Variants in CHM observed in about 807,000 individuals in gnomAD.
CHM encodes rab proteins geranylgeranyltransferase component A 1.
CHM carries 10 observed loss-of-function variants against 49.0 expected under a neutral mutation model. That is an observed-to-expected ratio of 0.20 (90% CI 0.13 to 0.35). The LOEUF (loss-of-function observed/expected upper bound fraction) is 0.35, where lower values mean the gene tolerates loss of function less well. Ranked by LOEUF, CHM falls within the 10% of genes least tolerant of loss-of-function variation. The pLI is 1.00. For missense variants in CHM, 455 were observed against 478.4 expected (o/e 0.95, Z 0.46); for synonymous variants, 184 against 167.5 (o/e 1.10, Z -0.76).
At chrX:85,926,225 T>C (rs186888266) in intron 8 of CHM, among the ~76,000 whole-genome samples, 201 of 111,516 alleles carry the variant, frequency 1.8e-3, no homozygotes, top group African/African-American at 6.2e-3. Context: ...CTTCCTTCCA[T>C]ATTGTGTTTA....
At chrX:85,900,933 T>C (rs766259200) in intron 10 of CHM, 151 bp downstream of exon 10, 1 of 508,451 alleles carries the variant, frequency 2.0e-6, no homozygotes, top group East Asian at 3.6e-5. Flanking sequence ...GAAATTATGC[T>C]AGGCTTCCCT....
At chrX:85,920,679 T>A (rs1352009868) in intron 8 of CHM, among the ~76,000 whole-genome samples, 1 of 112,140 alleles carries the variant, frequency 8.9e-6, no homozygotes, top group Non-Finnish European at 1.9e-5. Context: ...TTTCACAGAT[T>A]TGGAAACTGA....
intron 6 of CHM, 127 bp from the exon 7 acceptor site, chrX:85,958,102 C>T: frequency 1.3e-6 from 1 of 799,111 alleles, no homozygotes; most frequent in Non-Finnish European, 1.8e-6. Flanking sequence ...TTTTTCACAT[C>T]ACCGTCCATC....
intron 8 of CHM, among the ~76,000 whole-genome samples, chrX:85,951,670 G>A (rs1376156743): frequency 8.9e-6 from 1 of 111,979 alleles, no homozygotes; most frequent in Non-Finnish European, 1.9e-5. Flanking sequence ...GAGCAAGATG[G>A]TCAAATAGAT....
At chrX:85,871,539 T>C (rs1335318002) in intron 14 of CHM, among the ~76,000 whole-genome samples, 1 of 110,209 alleles carries the variant, frequency 9.1e-6, no homozygotes, top group African/African-American at 3.3e-5. Flanking sequence ...AAAGTAGACA[T>C]TATAATATTT....
At chrX:85,884,259 T>A (rs1039955253) in intron 12 of CHM, among the ~76,000 whole-genome samples, 10 of 111,164 alleles carry the variant, frequency 9.0e-5, no homozygotes, top group Non-Finnish European at 1.9e-4. Context: ...AACATAACTT[T>A]ACTACTTTAA....
At chrX:85,910,118 T>A (rs937887158) in intron 9 of CHM, among the ~76,000 whole-genome samples, 5 of 111,783 alleles carry the variant, frequency 4.5e-5, no homozygotes, top group African/African-American at 1.6e-4. Context: ...AGAATTACTC[T>A]TCTAAAGCAA....
At chrX:86,037,681 G>T (rs1429731843) in intron 1 of CHM, among the ~76,000 whole-genome samples, 2 of 110,889 alleles carry the variant, frequency 1.8e-5, no homozygotes, top group Non-Finnish European at 3.8e-5. Context: ...TTATAAAAAT[G>T]ATACAAAAAA....
chrX:85,955,570 T>A (rs1351010611), intron 8 of CHM, among the ~76,000 whole-genome samples: 1 of 112,067 alleles, frequency 8.9e-6, no homozygotes, highest in Non-Finnish European at 1.9e-5. Context: ...GACAAAAAAA[T>A]TTTAAATGTT....
At chrX:86,029,790 C>T (rs1933969617) in intron 1 of CHM, among the ~76,000 whole-genome samples, 1 of 111,255 alleles carries the variant, frequency 9.0e-6, no homozygotes, top group Non-Finnish European at 1.9e-5. Flanking sequence ...GGTTTTGCTA[C>T]TCACCTAGCT....
intron 8 of CHM, among the ~76,000 whole-genome samples, chrX:85,912,445 C>T (rs1927084107): frequency 9.0e-6 from 1 of 111,286 alleles, no homozygotes; most frequent in Non-Finnish European, 1.9e-5. Context: ...AAATGATATT[C>T]GGATGGTATA....
chrX:86,038,813 T>C (rs1569262925), intron 1 of CHM, among the ~76,000 whole-genome samples: 2 of 112,060 alleles, frequency 1.8e-5, no homozygotes, highest in Non-Finnish European at 3.8e-5. Flanking sequence ...GAAGCTGACA[T>C]CATGAGGTTA....
chrX:86,003,744 A>G (rs918474415), intron 2 of CHM, among the ~76,000 whole-genome samples: 29 of 112,030 alleles, frequency 2.6e-4, no homozygotes, highest in African/African-American at 9.1e-4. Flanking sequence ...CAAAGCCTCC[A>G]AGAAATATGG....
In CHM at chrX:85,989,008, T is replaced by A. The variant is rs771906513; in HGVS notation, c.117-7199A>T. ...GAACTAGAAAAGACTACTTTAAAAT[T>A]TATATGTAACCAAAAAATACCCAAA... On this transcript the variant is annotated intron_variant, in intron 2 of 14. Transcript: ENST00000357749. 6.0e-4 allele frequency among the ~76,000 whole-genome samples: 67 copies of A among 111,797 alleles called. 1 individual carries two copies. Among genetic ancestry groups the A allele is most frequent in the Middle Eastern group, 9.2e-3 (2 of 218 alleles).
chrX:86,005,978 C>T (rs1438417609), intron 2 of CHM, among the ~76,000 whole-genome samples: 2 of 111,575 alleles, frequency 1.8e-5, no homozygotes, highest in African/African-American at 6.5e-5. Flanking sequence ...AATATTAAAC[C>T]AATATCCCTG....
chrX:86,038,206 A>T (rs1322228768), intron 1 of CHM, among the ~76,000 whole-genome samples: 1 of 112,091 alleles, frequency 8.9e-6, no homozygotes, highest in African/African-American at 3.3e-5. Flanking sequence ...ATTTGCCCAT[A>T]AGGAAATTCC....
chrX:85,981,739 G>C lies in CHM; in HGVS notation c.187C>G (p.Gln63Glu). 2 of 1,180,599 alleles carry C rather than the reference G, an allele frequency of 1.7e-6. No homozygotes were observed. The highest frequency in any genetic ancestry group is 2.3e-6 in the Non-Finnish European group (2 of 872,384). ...SGLLSWLKEY[Q>E]ENSDIVSDSP... ...AAAAGGTCAGATACAAACTTTACCT[G>C]GTATTCCTTTAGCCAGGACAATAGT... The change falls in exon 3 of 15, where the codon CAG becomes GAG. Residue 63 changes from glutamine to glutamate, a missense_variant and splice_region_variant. Coordinates refer to ENST00000357749, the MANE Select transcript of CHM (RefSeq NM_000390.4).
intron 8 of CHM, among the ~76,000 whole-genome samples, chrX:85,920,287 G>T (rs1347012296): frequency 9.1e-6 from 1 of 109,665 alleles, no homozygotes; most frequent in Non-Finnish European, 1.9e-5. Context: ...TAGTAGAGAC[G>T]GGGTTTCACC....
intron 1 of CHM, among the ~76,000 whole-genome samples, chrX:86,033,882 G>A (rs757071391): frequency 3.9e-4 from 44 of 111,579 alleles, no homozygotes; most frequent in African/African-American, 1.0e-3. Flanking sequence ...CTTCTTCCTC[G>A]TGGAACAAAA....
Sources: allele counts gnomAD v4.1 joint callset (sites outside exome capture counted in the v4.1 genomes callset), GRCh38; gene constraint gnomAD v4.1.1; transcripts MANE v1.5; gene names NCBI Gene and HGNC (gene_info 2026-07-23, HGNC 2026-07-21).